The following JAKMIP3 variants were observed in gnomAD, a reference collection of about 807,000 sequenced individuals.
The protein encoded by JAKMIP3 is Janus kinase and microtubule interacting protein 3, also known as janus kinase and microtubule-interacting protein 3.
A neutral mutation model predicts 118.5 loss-of-function variants in JAKMIP3; 58 were observed. That is an observed-to-expected ratio of 0.49 (90% CI 0.40 to 0.61). The LOEUF (loss-of-function observed/expected upper bound fraction) is 0.61. Ranked by LOEUF, JAKMIP3 falls within the 20% of genes least tolerant of loss-of-function variation. The pLI, the probability that JAKMIP3 is intolerant of heterozygous loss-of-function variation, is 0.00. For missense variants in JAKMIP3, 950 were observed against 1,109.0 expected, an observed-to-expected ratio of 0.86 and a Z score of 2.04; for synonymous variants, 486 against 451.2, an observed-to-expected ratio of 1.08 and a Z score of -0.98.
chr10:132,036,540 C>T (rs1053564763), upstream of JAKMIP3, among the ~76,000 whole-genome samples: 12 of 152,108 alleles, frequency 7.9e-5, no homozygotes, highest in African/African-American at 2.6e-4. Context: ...ACCGGGACTG[C>T]GTGGGGGAGG....
rs371776728 is a variant in JAKMIP3 at position 132,149,220 on chromosome 10, C to T, written c.1849-192C>T. On this transcript the variant is annotated intron_variant, in intron 14 of 23. Transcript: ENST00000684848. ...TCTGGGGTCAGCGAATATACAGGGG[C>T]AGTCCTTGTGGGCAGGTCCAGGTCC... Among the ~76,000 whole-genome samples the T allele has an allele frequency of 2.1e-4, 32 of 152,198 alleles. 1 individual carries two copies. The South Asian group carries it at 3.9e-3, about 19-fold the overall frequency.
At chr10:132,079,252 CAT>C (rs992077288) in intron 1 of JAKMIP3, among the ~76,000 whole-genome samples, 1 of 147,470 alleles carries the variant, frequency 6.8e-6, no homozygotes, top group African/African-American at 2.6e-5. Flanking sequence ...GACAAATTCA[CAT>C]AGAGTTCCCC....
At chr10:132,177,338 A>G (rs1353908286) in intron 23 of JAKMIP3, among the ~76,000 whole-genome samples, 1 of 152,282 alleles carries the variant, frequency 6.6e-6, no homozygotes, top group Non-Finnish European at 1.5e-5. Context: ...CCAGGAACCC[A>G]TGGAGAACAG....
chr10:132,133,936 G>T (rs150566992), intron 4 of JAKMIP3, among the ~76,000 whole-genome samples: 6 of 152,194 alleles, frequency 3.9e-5, no homozygotes, highest in African/African-American at 1.4e-4. Flanking sequence ...CTGGTGCACC[G>T]GCTCCCTGCC....
intron 19 of JAKMIP3, among the ~76,000 whole-genome samples, chr10:132,161,228 TG>T (rs562420822): frequency 4.0e-4 from 1 of 2,526 alleles, no homozygotes; most frequent in Non-Finnish European, 6.9e-4. Context: ...TGTGTGATGC[TG>T]GGGGGGCCTC....
intron 1 of JAKMIP3, among the ~76,000 whole-genome samples, chr10:132,094,856 G>A (rs2043633519): frequency 6.6e-6 from 1 of 152,128 alleles, no homozygotes. Flanking sequence ...CATCAGGTGG[G>A]GGCGGGGCCA....
intron 19 of JAKMIP3, among the ~76,000 whole-genome samples, chr10:132,162,662 G>GT (rs1195735332): frequency 2.6e-5 from 4 of 152,064 alleles, no homozygotes; most frequent in African/African-American, 7.2e-5. Context: ...GTGAGAATTT[G>GT]TTTTTTACAA....
intron 1 of JAKMIP3, among the ~76,000 whole-genome samples, chr10:132,093,521 G>A (rs894647880): frequency 9.2e-5 from 14 of 152,318 alleles, no homozygotes; most frequent in East Asian, 5.8e-4. Flanking sequence ...CTCCGTGGGC[G>A]TGGGACCCTC....
Position 132,048,871 on chromosome 10 carries a change from ACCTCGTGAT to A in JAKMIP3, c.-138+12136_-138+12144del, listed in dbSNP as rs1252478463. Among the ~76,000 whole-genome samples the A allele has an allele frequency of 3.3e-5, 5 of 151,366 alleles. No homozygotes were observed. The East Asian group carries it at 9.7e-4, about 29-fold the overall frequency. On this transcript the variant is annotated intron_variant, in intron 1 of 23. Coordinates refer to the JAKMIP3 transcript ENST00000657785. ...TAGCCAGGATAGTCTCGATCTCCTG[ACCTCGTGAT>A]CCGCCTGCCTTCGCCTCCCAAAGTG...
chr10:132,145,294 G>A (rs2054376725), intron 12 of JAKMIP3, 104 bp downstream of exon 12: 3 of 1,053,926 alleles, frequency 2.8e-6, no homozygotes, highest in African/African-American at 1.6e-5. Flanking sequence ...ACTTTCTACA[G>A]CCTTGACCTC....
chr10:132,060,982 A>AC (rs1218970621), upstream of JAKMIP3, among the ~76,000 whole-genome samples: 1 of 152,150 alleles, frequency 6.6e-6, no homozygotes, highest in East Asian at 1.9e-4. Context: ...CCAAGATCGC[A>AC]CCACTGCACT....
chr10:132,057,989 C>T lies in JAKMIP3; in HGVS notation c.-138+21251C>T, dbSNP rs567566048. ...CTGCAATCAGGGCCGCATCCTGGGGCTGGACGGGGCCAGATCCTCGGCCCC... is the reference window on the plus strand; with the variant it reads ...CTGCAATCAGGGCCGCATCCTGGGGTTGGACGGGGCCAGATCCTCGGCCCC... On this transcript the variant is annotated intron_variant, in intron 1 of 23. Coordinates refer to the JAKMIP3 transcript ENST00000657785. Among the ~76,000 whole-genome samples, 53 of 152,342 alleles carry T rather than the reference C, an allele frequency of 3.5e-4. 2 individuals are homozygous for T. In the South Asian group the frequency reaches 0.011, roughly 31 times the overall value.
intron 2 of JAKMIP3, among the ~76,000 whole-genome samples, chr10:132,106,642 C>T (rs1039100488): frequency 3.3e-5 from 5 of 152,210 alleles, no homozygotes; most frequent in Admixed American, 2.0e-4. Flanking sequence ...CTGTGCCAGG[C>T]GCCCATAAAT....
chr10:132,164,999 G>C (rs1185453965), intron 21 of JAKMIP3, among the ~76,000 whole-genome samples: 1 of 152,206 alleles, frequency 6.6e-6, no homozygotes, highest in East Asian at 1.9e-4. Context: ...CCAGCCATGC[G>C]ACCGCAGAGG....
chr10:132,131,926 C>T (rs1352929983), intron 3 of JAKMIP3, among the ~76,000 whole-genome samples: 2 of 152,150 alleles, frequency 1.3e-5, no homozygotes, highest in African/African-American at 4.8e-5. Flanking sequence ...TCCTGCCCTG[C>T]CTGCTGCTGG....
Position 132,180,584 on chromosome 10 carries a change from CGCGTGTGTGT to C in JAKMIP3, c.*1104-1771_*1104-1762del, listed in dbSNP as rs2060811532. 1.7e-3 allele frequency among the ~76,000 whole-genome samples: 17 copies of C among 9,864 alleles called. 4 individuals are homozygous for C. Among genetic ancestry groups the C allele is most frequent in the African/African-American group, 5.5e-3 (12 of 2,190 alleles). 6.5% of individuals were successfully genotyped at this position (9,864 alleles called of 152,430 possible). A position where few individuals can be genotyped will look rare whatever the true frequency, so the allele number is the denominator to read the frequency against. On this transcript the variant is annotated intron_variant, in intron 23 of 23. Transcript: ENST00000684848. The stretch of plus-strand genomic sequence containing the variant: ...GTGTGTGTGCGTGTGTGTGTGCGTG[CGCGTGTGTGT>C]GTGCGTGCGCGTGTGTGTGTGCGTG...
Position 132,161,980 on chromosome 10 carries a change from G to C in JAKMIP3, c.2221-1229G>C, listed in dbSNP as rs536969912. Among the ~76,000 whole-genome samples, 4 of 147,826 alleles carry C rather than the reference G, an allele frequency of 2.7e-5. 2 individuals carry two copies. The highest frequency in any genetic ancestry group is 6.1e-5 in the Non-Finnish European group (4 of 65,702). On this transcript the variant is annotated intron_variant, in intron 19 of 23. Transcript: ENST00000684848. ...GTTTGGGATGCTCCGAGTTTTCTGAGTTCACTGTTGATTTCCTTCCCTTTC... is the reference window on the plus strand; with the variant it reads ...GTTTGGGATGCTCCGAGTTTTCTGACTTCACTGTTGATTTCCTTCCCTTTC...
intron 2 of JAKMIP3, among the ~76,000 whole-genome samples, chr10:132,110,074 C>G (rs1469540633): frequency 6.6e-6 from 1 of 152,226 alleles, no homozygotes; most frequent in Non-Finnish European, 1.5e-5. Flanking sequence ...GTCTCAGAAG[C>G]ACCCGTGGGG....
At chr10:132,160,007 G>C (rs1326974062) in intron 19 of JAKMIP3, among the ~76,000 whole-genome samples, 1 of 36,346 alleles carries the variant, frequency 2.8e-5, no homozygotes, top group African/African-American at 1.1e-4. Context: ...ACTGGGGGGG[G>C]CCTCTCCCTG....
Sources: gnomAD v4.1 joint callset for allele counts (sites outside exome capture counted in the v4.1 genomes callset) on GRCh38, gnomAD v4.1.1 for gene constraint, MANE v1.5 for transcripts, NCBI Gene and HGNC (gene_info 2026-07-23, HGNC 2026-07-21) for gene names.